The following SLC38A6 variants were observed in gnomAD, a reference collection of about 807,000 sequenced individuals.
SLC38A6 encodes the protein N system amino acid transporter NAT-1.
SLC38A6 carries 73 observed loss-of-function variants against 65.0 expected under a neutral mutation model. The observed-to-expected ratio is 1.12, with a 90% CI of 0.93 to 1.37. The LOEUF is 1.37. SLC38A6 is among the 40% of genes most tolerant of loss of function. The pLI is 0.00. For synonymous variants in SLC38A6, 183 were observed against 178.8 expected (o/e 1.02, Z -0.19); for missense variants, 561 against 531.1 (o/e 1.06, Z -0.55).
chr14:60,990,832 C>T (rs545599150), intron 3 of SLC38A6, among the ~76,000 whole-genome samples: 2 of 152,100 alleles, frequency 1.3e-5, no homozygotes, highest in African/African-American at 2.4e-5. Context: ...AGGCTATGTG[C>T]GTCACCACAC....
At chr14:61,008,945 G>A (rs1222171199) in intron 3 of SLC38A6, among the ~76,000 whole-genome samples, 1 of 152,144 alleles carries the variant, frequency 6.6e-6, no homozygotes, top group Non-Finnish European at 1.5e-5. Flanking sequence ...GTAAGAAGTA[G>A]GGATGTTCTT....
At chr14:61,004,528 A>G (rs1315818939) in intron 3 of SLC38A6, 1 of 152,218 alleles carries the variant, frequency 6.6e-6, no homozygotes, top group Non-Finnish European at 1.5e-5. Context: ...CCACAGAAAT[A>G]CAAACTACCA....
intron 3 of SLC38A6, among the ~76,000 whole-genome samples, chr14:61,007,038 T>C (rs1270979365): frequency 3.3e-5 from 5 of 151,946 alleles, no homozygotes; most frequent in African/African-American, 7.2e-5. Context: ...ATGGATGAAA[T>C]TGGAAATCAT....
In SLC38A6 at chr14:61,029,243, C is replaced by G. The variant is rs2040796037; in HGVS notation, c.404-1202C>G. On this transcript the variant is annotated intron_variant, in intron 5 of 15. Coordinates refer to ENST00000267488, the MANE Select transcript of SLC38A6 (RefSeq NM_153811.3). ...CAGTCTCGGCTCACTGCAACCTCCG[C>G]CTTCCAGTTTCAAGCGATTCTCCTG... 2.0e-5 allele frequency among the ~76,000 whole-genome samples: 3 copies of G among 151,290 alleles called. No homozygotes were observed. The South Asian group carries it at 6.3e-4, about 32-fold the overall frequency.
chr14:61,069,065 C>T, intron 15 of SLC38A6, among the ~76,000 whole-genome samples: 1 of 152,116 alleles, frequency 6.6e-6, no homozygotes, highest in South Asian at 2.1e-4. Flanking sequence ...ACTTGGGCAA[C>T]TTTGCAAAAA....
At chr14:60,994,095 A>C (rs2038099366) in intron 3 of SLC38A6, among the ~76,000 whole-genome samples, 1 of 152,242 alleles carries the variant, frequency 6.6e-6, no homozygotes, top group African/African-American at 2.4e-5. Context: ...GTATTTACCC[A>C]AATGAGTTCA....
chr14:61,013,387 T>C (rs1380057067), intron 3 of SLC38A6, among the ~76,000 whole-genome samples: 2 of 152,218 alleles, frequency 1.3e-5, no homozygotes, highest in Admixed American at 6.5e-5. Flanking sequence ...CATATACATT[T>C]AAGGTTAGTA....
intron 3 of SLC38A6, among the ~76,000 whole-genome samples, chr14:61,001,483 CTTTTTA>C (rs1215730984): frequency 2.0e-5 from 3 of 152,108 alleles, no homozygotes. Flanking sequence ...TTAACCTTTC[CTTTTTA>C]TTTTTATCAA....
At chr14:61,026,805 A>G (rs1307202584) in intron 5 of SLC38A6, among the ~76,000 whole-genome samples, 1 of 152,024 alleles carries the variant, frequency 6.6e-6, no homozygotes, top group Non-Finnish European at 1.5e-5. Context: ...AATAAGTAAT[A>G]TGTACCTCAC....
At chr14:61,025,145 A>C (rs2040537410) in intron 5 of SLC38A6, among the ~76,000 whole-genome samples, 1 of 152,216 alleles carries the variant, frequency 6.6e-6, no homozygotes, top group Admixed American at 6.5e-5. Flanking sequence ...TCAGTTTGGT[A>C]ATCTATGGAC....
intron 1 of SLC38A6, 132 bp downstream of exon 1, chr14:60,981,514 G>C (rs1304606776): frequency 2.0e-6 from 3 of 1,534,020 alleles, no homozygotes; most frequent in Non-Finnish European, 2.6e-6. Context: ...TGGGGGATGG[G>C]GTCTGAAGGC....
chr14:61,031,917 T>C (rs924207993), intron 6 of SLC38A6, among the ~76,000 whole-genome samples: 1 of 151,970 alleles, frequency 6.6e-6, no homozygotes, highest in South Asian at 2.1e-4. Flanking sequence ...CTTTTGACTA[T>C]ATAAAGTACT....
At chr14:60,981,473 C>G (rs1300752212) in intron 1 of SLC38A6, 91 bp downstream of exon 1, 1 of 1,540,102 alleles carries the variant, frequency 6.5e-7, no homozygotes, top group Non-Finnish European at 8.7e-7. Context: ...AGGACCGCAC[C>G]GGGACAGGGG....
At chr14:61,072,987 T>TC (rs1566733815) in intron 15 of SLC38A6, among the ~76,000 whole-genome samples, 1 of 152,016 alleles carries the variant, frequency 6.6e-6, no homozygotes, top group African/African-American at 2.4e-5. Flanking sequence ...CTAATTTACA[T>TC]CCCCCCCAAC....
At chr14:61,049,387 C>T (rs1179476147) in intron 12 of SLC38A6, among the ~76,000 whole-genome samples, 2 of 152,176 alleles carry the variant, frequency 1.3e-5, no homozygotes, top group Non-Finnish European at 2.9e-5. Context: ...TAGAGAATCT[C>T]TTCCCCCACA....
At chr14:61,066,296 C>T (rs980729562) in intron 15 of SLC38A6, among the ~76,000 whole-genome samples, 26 of 152,010 alleles carry the variant, frequency 1.7e-4, no homozygotes, top group African/African-American at 6.0e-4. Flanking sequence ...CAATCAGAAT[C>T]CTTTCTGTTT....
intron 15 of SLC38A6, among the ~76,000 whole-genome samples, chr14:61,073,133 T>C (rs759549057): frequency 2.6e-5 from 4 of 152,212 alleles, no homozygotes; most frequent in Non-Finnish European, 5.9e-5. Context: ...TGATGATCAG[T>C]GATGTTGAGC....
intron 2 of SLC38A6, among the ~76,000 whole-genome samples, chr14:60,983,177 TTC>T (rs2037196729): frequency 6.6e-6 from 1 of 152,164 alleles, no homozygotes; most frequent in African/African-American, 2.4e-5. Flanking sequence ...TGTATATTCA[TTC>T]TGTTATTATA....
chr14:61,036,320 A>G (rs1236653454), intron 6 of SLC38A6, among the ~76,000 whole-genome samples: 2 of 152,060 alleles, frequency 1.3e-5, no homozygotes, highest in Admixed American at 6.6e-5. Context: ...ACATCTTTTT[A>G]TAAAAGTCTT....
Sources: gnomAD v4.1 joint callset for allele counts (sites outside exome capture counted in the v4.1 genomes callset) on GRCh38, gnomAD v4.1.1 for gene constraint, MANE v1.5 for transcripts, NCBI Gene and HGNC (gene_info 2026-07-23, HGNC 2026-07-21) for gene names.